KCND3: variants seen among roughly 807,000 people sequenced by gnomAD.
KCND3 encodes the protein potassium voltage-gated channel subfamily D member 3.
A neutral mutation model predicts 51.1 loss-of-function variants in KCND3; 9 were observed. The ratio of observed to expected loss-of-function variants is 0.18; its 90% CI spans 0.11 to 0.31. The LOEUF is 0.31. KCND3 is among the 10% of genes least tolerant of loss of function. The probability of loss-of-function intolerance (pLI) is 1.00; values close to 1 mark genes in which losing one functional copy is unlikely to be tolerated. For synonymous variants in KCND3, 349 were observed against 368.0 expected (o/e 0.95, Z 0.59); for missense variants, 526 against 903.8 (o/e 0.58, Z 5.36).
At chr1:111,858,138 T>C (rs1216788802) in intron 2 of KCND3, among the ~76,000 whole-genome samples, 1 of 152,192 alleles carries the variant, frequency 6.6e-6, no homozygotes, top group Non-Finnish European at 1.5e-5. Context: ...GAGAGTCACG[T>C]AGGCCTCCTT....
intron 2 of KCND3, among the ~76,000 whole-genome samples, chr1:111,902,145 T>C (rs558449999): frequency 9.4e-4 from 143 of 152,176 alleles, no homozygotes; most frequent in African/African-American, 3.4e-3. Context: ...GGCCAGTGGG[T>C]CCGAGATAGG....
At chr1:111,786,263 G>A (rs1476342248) in intron 3 of KCND3, among the ~76,000 whole-genome samples, 1 of 152,214 alleles carries the variant, frequency 6.6e-6, no homozygotes, top group Non-Finnish European at 1.5e-5. Context: ...TGGAAAAAGA[G>A]GCTTCTTTCT....
chr1:111,975,345 G>A (rs758492469), intron 2 of KCND3, among the ~76,000 whole-genome samples: 3 of 152,162 alleles, frequency 2.0e-5, no homozygotes, highest in Admixed American at 6.5e-5. Context: ...TCTCCCAGGG[G>A]TAGAGAAGAT....
intron 2 of KCND3, among the ~76,000 whole-genome samples, chr1:111,933,318 A>G (rs1672066370): frequency 6.6e-6 from 1 of 152,218 alleles, no homozygotes; most frequent in Non-Finnish European, 1.5e-5. Flanking sequence ...TAATACAAGT[A>G]CCAACAACTC....
intron 2 of KCND3, among the ~76,000 whole-genome samples, chr1:111,817,686 C>CG (rs1666160643): frequency 1.3e-5 from 2 of 152,166 alleles, no homozygotes; most frequent in African/African-American, 4.8e-5. Context: ...TCATGCCTCA[C>CG]ATTTCTAACA....
At chr1:111,849,725 T>C (rs1667720874) in intron 2 of KCND3, among the ~76,000 whole-genome samples, 1 of 152,202 alleles carries the variant, frequency 6.6e-6, no homozygotes, top group Non-Finnish European at 1.5e-5. Flanking sequence ...TGCACAAAGA[T>C]GCCATTTAGC....
At chr1:111,846,320 C>T (rs1667546158) in intron 2 of KCND3, among the ~76,000 whole-genome samples, 1 of 152,198 alleles carries the variant, frequency 6.6e-6, no homozygotes, top group Non-Finnish European at 1.5e-5. Context: ...GTTCCCTCTG[C>T]CAGAAAAAGC....
At chr1:111,866,172 T>G (rs1478923723) in intron 2 of KCND3, among the ~76,000 whole-genome samples, 3 of 152,092 alleles carry the variant, frequency 2.0e-5, no homozygotes, top group African/African-American at 7.2e-5. Context: ...AATACCATTT[T>G]ATTTTTCTAG....
chr1:111,820,288 C>T (rs1435410824), intron 2 of KCND3, among the ~76,000 whole-genome samples: 1 of 152,192 alleles, frequency 6.6e-6, no homozygotes, highest in African/African-American at 2.4e-5. Context: ...TCCATCTTTC[C>T]AAGTTCAAAT....
chr1:111,965,365 C>T (rs1673909416), intron 2 of KCND3, among the ~76,000 whole-genome samples: 1 of 150,760 alleles, frequency 6.6e-6, no homozygotes, highest in Non-Finnish European at 1.5e-5. Context: ...TCCTAAAGTT[C>T]CCTAAGTCAA....
At chr1:111,868,959 C>T (rs1459097326) in intron 2 of KCND3, among the ~76,000 whole-genome samples, 2 of 152,046 alleles carry the variant, frequency 1.3e-5, no homozygotes, top group Admixed American at 6.5e-5. Flanking sequence ...CCTAGGCTAA[C>T]GTAACTGGTT....
Position 111,982,225 on chromosome 1 carries a change from T to A in KCND3, c.502A>T (p.Thr168Ser). ...GGGTTCTCGAAGGCCCGCCACATGG[T>A]CTGGCGGAAGCTGAGCGAGGGCATG... Reference protein sequence around the residue: ...ESMPSLSFRQTMWRAFENPHT... With the variant: ...ESMPSLSFRQSMWRAFENPHT... The change falls in exon 2 of 8, where the codon ACC (threonine) becomes TCC (serine). Residue 168 changes from threonine (T) to serine (S), a missense_variant. Thr to Ser is a moderately conservative substitution (Grantham distance 58). Coordinates refer to ENST00000302127, the MANE Select transcript of KCND3 (RefSeq NM_001378969.1). The surrounding 1 kb of genome is among the most constrained non-coding windows in gnomAD (Gnocchi z 8.5). The A allele has an allele frequency of 3.1e-6, 5 of 1,613,996 alleles. No individual in the cohort carries two copies. The highest frequency in any genetic ancestry group is 4.2e-6 in the Non-Finnish European group (5 of 1,179,990).
intron 2 of KCND3, among the ~76,000 whole-genome samples, chr1:111,898,357 C>G (rs995955037): frequency 2.6e-5 from 4 of 152,156 alleles, no homozygotes; most frequent in Admixed American, 6.5e-5. Context: ...CCATCTGCTC[C>G]CCCGTGGCTC....
At chr1:111,961,829 T>C (rs546391006) in intron 2 of KCND3, among the ~76,000 whole-genome samples, 1 of 152,292 alleles carries the variant, frequency 6.6e-6, no homozygotes, top group African/African-American at 2.4e-5. Context: ...CTCAGCTTTC[T>C]CATGTCTGAG....
intron 2 of KCND3, among the ~76,000 whole-genome samples, chr1:111,946,080 A>G (rs1182124582): frequency 2.0e-5 from 3 of 152,262 alleles, no homozygotes; most frequent in Non-Finnish European, 4.4e-5. Flanking sequence ...TGCTTGGCAC[A>G]TAGTAGGTAC....
At chr1:111,987,340 A>ATTT (rs534370658) in intron 1 of KCND3, among the ~76,000 whole-genome samples, 38 of 152,164 alleles carry the variant, frequency 2.5e-4, no homozygotes, top group Non-Finnish European at 4.0e-4. Flanking sequence ...GGACCATAAA[A>ATTT]GCTTCTGGTC....
At chr1:111,839,765 G>A (rs1302896303) in intron 2 of KCND3, among the ~76,000 whole-genome samples, 3 of 152,248 alleles carry the variant, frequency 2.0e-5, no homozygotes, top group Non-Finnish European at 4.4e-5. Flanking sequence ...GAGGCTTGGT[G>A]AGGTTAAAGA....
At chr1:111,884,103 A>C (rs1475009792) in intron 2 of KCND3, among the ~76,000 whole-genome samples, 1 of 152,190 alleles carries the variant, frequency 6.6e-6, no homozygotes, top group Non-Finnish European at 1.5e-5. Flanking sequence ...CCCTAGTAGC[A>C]TCTTGGGTAG....
chr1:111,949,114 T>A (rs1672931391), intron 2 of KCND3, among the ~76,000 whole-genome samples: 1 of 152,130 alleles, frequency 6.6e-6, no homozygotes, highest in African/African-American at 2.4e-5. Flanking sequence ...CTGGTGTGAG[T>A]ATCACATGTG....
Sources: allele counts gnomAD v4.1 joint callset (sites outside exome capture counted in the v4.1 genomes callset), GRCh38; gene constraint gnomAD v4.1.1; non-coding constraint Gnocchi (gnomAD v3.1); transcripts MANE v1.5; gene names NCBI Gene and HGNC (gene_info 2026-07-23, HGNC 2026-07-21).